MEGF6: variants seen among roughly 807,000 people sequenced by gnomAD.
MEGF6 encodes multiple epidermal growth factor-like domains protein 6.
In MEGF6, 184 loss-of-function variants were observed where a neutral mutation model predicts 207.1. That is an observed-to-expected ratio of 0.89 (90% confidence interval 0.79 to 1.00). The LOEUF (loss-of-function observed/expected upper bound fraction) is 1.00. MEGF6 is among the 50% of genes least tolerant of loss of function. The probability of loss-of-function intolerance (pLI) is 0.00; values close to 1 mark genes in which losing one functional copy is unlikely to be tolerated. For synonymous variants in MEGF6, 1,038 were observed against 910.0 expected (o/e 1.14, Z -2.53); for missense variants, 2,282 against 2,202.9 (o/e 1.04, Z -0.72).
intron 4 of MEGF6, among the ~76,000 whole-genome samples, chr1:3,557,803 G>T (rs79376744): frequency 2.6e-5 from 4 of 152,222 alleles, no homozygotes; most frequent in African/African-American, 9.6e-5. Context: ...GAAGCGGCCC[G>T]TGGGCAGACG....
chr1:3,601,200 C>T (rs1644152059), intron 2 of MEGF6, among the ~76,000 whole-genome samples: 1 of 152,254 alleles, frequency 6.6e-6, no homozygotes, highest in African/African-American at 2.4e-5. Context: ...TCAGCCCGGC[C>T]ACCAGCACTC....
intron 4 of MEGF6, among the ~76,000 whole-genome samples, chr1:3,535,787 C>A (rs532903452): frequency 6.6e-6 from 1 of 152,200 alleles, no homozygotes; most frequent in South Asian, 2.1e-4. Flanking sequence ...AAGAGAAGTG[C>A]GGCCCAGGGG....
At chr1:3,589,718 C>T (rs1415025657) in intron 3 of MEGF6, among the ~76,000 whole-genome samples, 1 of 152,248 alleles carries the variant, frequency 6.6e-6, no homozygotes, top group East Asian at 1.9e-4. Context: ...CGTGGCTGGG[C>T]CTCCATGACC....
chr1:3,558,656 A>C (rs1643104292), intron 4 of MEGF6, among the ~76,000 whole-genome samples: 1 of 152,188 alleles, frequency 6.6e-6, no homozygotes, highest in African/African-American at 2.4e-5. Context: ...CAGAAACCAG[A>C]ACTGCGTTAG....
At position 3,496,701 on chromosome 1, in the gene MEGF6, C is replaced by A. The variant is rs767107850; in HGVS notation, c.3696G>T (p.Gly1232=). The A allele has an allele frequency of 2.6e-6, 4 of 1,561,592 alleles. No individual in the cohort carries two copies. In the Admixed American group the frequency reaches 7.6e-5, roughly 30 times the overall value. The part of the protein sequence containing the change: ...LNGGSCDAAT[G]ACRCPTGFLG... The stretch of plus-strand genomic sequence containing the variant: ...GGAACCCAGTGGGGCAGCGGCAGGC[C>A]CCCGTGGCCGCATCACAGGAGCCCC... Residue 1232 remains glycine (G), a synonymous_variant, in exon 29 of 37, where the codon GGG becomes GGT. Transcript: ENST00000356575.
At chr1:3,515,251 T>G in intron 6 of MEGF6, 151 bp downstream of exon 6, 7 of 963,072 alleles carry the variant, frequency 7.3e-6, no homozygotes, top group South Asian at 1.6e-5. Flanking sequence ...GCCCCCATCC[T>G]GAGCTTCCTG....
chr1:3,520,958 T>C lies in MEGF6; in HGVS notation c.604+3166A>G, dbSNP rs1346281698. On this transcript the variant is annotated intron_variant, in intron 5 of 36. Transcript: ENST00000356575. Reference sequence around the variant, plus strand: ...CAGCCCCCTGAGAGCTCTGGCCCCATGCTGGGGAAGGAAGGGTGGATTTTT... The same window carrying C: ...CAGCCCCCTGAGAGCTCTGGCCCCACGCTGGGGAAGGAAGGGTGGATTTTT... Among the ~76,000 whole-genome samples, 4 of 152,134 alleles carry C rather than the reference T, an allele frequency of 2.6e-5. 1 individual carries two copies. The East Asian group carries it at 7.7e-4, about 29-fold the overall frequency.
intron 3 of MEGF6, among the ~76,000 whole-genome samples, chr1:3,583,959 C>G (rs918614801): frequency 6.6e-6 from 1 of 152,372 alleles, no homozygotes; most frequent in Admixed American, 6.5e-5. Flanking sequence ...CCAGAGCTGT[C>G]GAGGGCCACG....
rs1005764849 is a variant in MEGF6 at position 3,611,334 on chromosome 1, C to T, written c.-66G>A. 6.5e-6 allele frequency: 9 copies of T among 1,384,124 alleles called. No homozygotes were observed. The highest frequency in any genetic ancestry group is 1.5e-5 in the African/African-American group (1 of 66,020). 85.7% of individuals were successfully genotyped at this position (1,384,124 alleles called of 1,614,324 possible). ...GGCCCCGGCGGCTCCCCGGAGCCTC[C>T]GCCTCCACGTGCGCCATAGGACGCA... On this transcript the variant is annotated 5_prime_UTR_variant, in exon 1 of 37. Coordinates refer to ENST00000356575, the MANE Select transcript of MEGF6 (RefSeq NM_001409.4).
intron 5 of MEGF6, among the ~76,000 whole-genome samples, chr1:3,520,798 G>C (rs1641719280): frequency 6.6e-6 from 1 of 152,176 alleles, no homozygotes; most frequent in Non-Finnish European, 1.5e-5. Context: ...TGTGGAGGTT[G>C]TACCTTTCCT....
intron 4 of MEGF6, among the ~76,000 whole-genome samples, chr1:3,544,236 C>A (rs538688870): frequency 2.0e-5 from 3 of 150,138 alleles, no homozygotes; most frequent in African/African-American, 5.0e-5. Context: ...CCCTCTCCCC[C>A]CAGCATCGCA....
chr1:3,496,515 C>T, intron 29 of MEGF6, 140 bp downstream of exon 29: 1 of 1,289,130 alleles, frequency 7.8e-7, no homozygotes, highest in Non-Finnish European at 1.1e-6. Context: ...CTGGCTTAGC[C>T]CCACTTGGGG....
chr1:3,519,943 CAT>C (rs758508996), intron 5 of MEGF6, among the ~76,000 whole-genome samples: 9 of 152,184 alleles, frequency 5.9e-5, no homozygotes, highest in South Asian at 4.1e-4. Flanking sequence ...GCCGTGTGCA[CAT>C]GAGTCCATCC....
intron 4 of MEGF6, among the ~76,000 whole-genome samples, chr1:3,579,509 G>C (rs1643739772): frequency 6.6e-6 from 1 of 152,294 alleles, no homozygotes; most frequent in African/African-American, 2.4e-5. Flanking sequence ...CTGGGACCTG[G>C]CCACCCCCTG....
At chr1:3,526,277 T>C (rs533963910) in intron 4 of MEGF6, among the ~76,000 whole-genome samples, 74 of 151,998 alleles carry the variant, frequency 4.9e-4, no homozygotes, top group East Asian at 1.2e-3. Context: ...ATGGACAACA[T>C]AGACCAACTA....
intron 17 of MEGF6, among the ~76,000 whole-genome samples, chr1:3,502,991 C>T (rs2100968355): frequency 6.6e-6 from 1 of 152,326 alleles, no homozygotes; most frequent in Middle Eastern, 3.4e-3. Context: ...CCCAAGAAGG[C>T]AGTTGACAGA....
rs773130925 is a variant in MEGF6, at chr1:3,501,783, G to A, written c.2314+13C>T. 16 of 1,609,600 alleles carry A rather than the reference G, an allele frequency of 9.9e-6. No homozygotes were observed. Among genetic ancestry groups the A allele is most frequent in the Middle Eastern group, 1.7e-4 (1 of 6,050 alleles). ...CCTGGGGAGGCGGAACTGGGGCTGC[G>A]GCTGACACTCACCTGCCTCACAGTC... On this transcript the variant is annotated intron_variant, in intron 18 of 36. Transcript: ENST00000356575.
intron 4 of MEGF6, among the ~76,000 whole-genome samples, chr1:3,535,016 G>A (rs1161620317): frequency 1.3e-5 from 2 of 152,214 alleles, no homozygotes; most frequent in Non-Finnish European, 2.9e-5. Flanking sequence ...CACAGAGGCA[G>A]CTCCTGGCCC....
chr1:3,560,506 G>T lies in MEGF6; in HGVS notation c.481+19319C>A, dbSNP rs373426083. Among the ~76,000 whole-genome samples, 4 of 152,128 alleles carry T rather than the reference G, an allele frequency of 2.6e-5. No individual in the cohort carries two copies. Among genetic ancestry groups the T allele is most frequent in the African/African-American group, 9.7e-5 (4 of 41,416 alleles). ...CCCCTGGCACCTCTGCTGTCTCTAC[G>T]GTGTGGCCTTTCCCAGCAGTGTGTG... On this transcript the variant is annotated intron_variant, in intron 4 of 36. Transcript: ENST00000356575. This position sits in a 1 kb window ranked among gnomAD's most constrained non-coding sequence, Gnocchi z 4.0.
Sources: allele counts gnomAD v4.1 joint callset (sites outside exome capture counted in the v4.1 genomes callset), GRCh38; gene constraint gnomAD v4.1.1; non-coding constraint Gnocchi (gnomAD v3.1); transcripts MANE v1.5; gene names NCBI Gene and HGNC (gene_info 2026-07-23, HGNC 2026-07-21).